CNOT8: variants seen among roughly 807,000 people sequenced by gnomAD.
CNOT8 encodes the protein CAF1-like protein.
In CNOT8, 18 loss-of-function variants were observed where a neutral mutation model predicts 34.6. The observed-to-expected ratio is 0.52, with a 90% CI of 0.36 to 0.77. CNOT8 has a LOEUF of 0.77. CNOT8 is among the 30% of genes least tolerant of loss of function. The pLI, the probability that CNOT8 is intolerant of heterozygous loss-of-function variation, is 0.00. For synonymous variants in CNOT8, 101 were observed against 118.8 expected (o/e 0.85, Z 0.98); for missense variants, 189 against 347.9 (o/e 0.54, Z 3.63).
At chr5:154,869,472 T>C (rs542829123) in intron 3 of CNOT8, among the ~76,000 whole-genome samples, 83 of 147,172 alleles carry the variant, frequency 5.6e-4, no homozygotes, top group South Asian at 1.7e-3. Context: ...TGAGACAGAG[T>C]CTTGTTCTGT....
chr5:154,872,200 A>G (rs1762551926), intron 5 of CNOT8, among the ~76,000 whole-genome samples: 1 of 152,232 alleles, frequency 6.6e-6, no homozygotes, highest in African/African-American at 2.4e-5. Context: ...TTAACTCTAG[A>G]AAGTTTTAGA....
chr5:154,872,538 C>T lies in CNOT8; in HGVS notation c.619-3C>T, dbSNP rs760901457. On this transcript the variant is annotated splice_polypyrimidine_tract_variant and splice_region_variant and intron_variant, in intron 5 of 6. Coordinates refer to ENST00000285896, the MANE Select transcript of CNOT8 (RefSeq NM_001301073.2). The stretch of plus-strand genomic sequence containing the variant: ...ATTATCTTTGTTCTCCATACATCTC[C>T]AGGGAGGTCTTCAGGAAGTTGCTGA... 6.2e-7 allele frequency: 1 copy of T among 1,602,184 alleles called. No homozygotes were observed. The highest frequency in any genetic ancestry group is 8.5e-7 in the Non-Finnish European group (1 of 1,170,800).
chr5:154,874,539 T>C (rs908395462), intron 6 of CNOT8, among the ~76,000 whole-genome samples: 16 of 152,110 alleles, frequency 1.1e-4, no homozygotes, highest in African/African-American at 3.4e-4. Flanking sequence ...CCTGTCTCTT[T>C]TTCTTTTTCT....
chr5:154,867,198 TTAGAG>T (rs2113320168), intron 3 of CNOT8, among the ~76,000 whole-genome samples: 1 of 152,324 alleles, frequency 6.6e-6, no homozygotes, highest in South Asian at 2.1e-4. Context: ...GGATATATCT[TTAGAG>T]TGGAATATTA....
At chr5:154,859,059 C>T (rs1435541084) in intron 1 of CNOT8, 2 of 152,160 alleles carry the variant, frequency 1.3e-5, no homozygotes, top group Admixed American at 6.5e-5. Flanking sequence ...ATAGGAAAAC[C>T]GAGGCACGAA....
chr5:154,864,996 TG>T (rs1761728902), intron 2 of CNOT8, among the ~76,000 whole-genome samples, 195 bp from the exon 3 acceptor site: 1 of 152,134 alleles, frequency 6.6e-6, no homozygotes, highest in South Asian at 2.1e-4. Context: ...GAGCTGTGAT[TG>T]TGCCACTGCC....
chr5:154,870,757 T>C lies in CNOT8; in HGVS notation c.408T>C (p.Phe136=), dbSNP rs143791180. 3.1e-6 allele frequency: 5 copies of C among 1,614,026 alleles called. No homozygotes were observed. The African/African-American group carries it at 5.3e-5, about 17-fold the overall frequency. ...AGGAAGGGATTGACACACTGCACTT[T>C]GCAGAGCTGCTTATGACATCAGGAG... ...HEEEGIDTLH[F]AELLMTSGVV... is the part of the protein sequence containing the mutation. The change falls in exon 4 of 7, where the codon TTT becomes TTC. Residue 136 remains phenylalanine, a synonymous_variant. Transcript: ENST00000285896.
chr5:154,869,120 GTTTA>G lies in CNOT8; in HGVS notation c.312-1537_312-1534del, dbSNP rs1487210807. On this transcript the variant is annotated intron_variant, in intron 3 of 6. Coordinates refer to ENST00000285896, the MANE Select transcript of CNOT8 (RefSeq NM_001301073.2). ...TCTGTGCCTCAATATTTTTTTGTTG[GTTTA>G]TTTTTTTTTTTTGAGATAGAGTTTC... Among the ~76,000 whole-genome samples the G allele has an allele frequency of 7.2e-5, 11 of 151,814 alleles. No individual in the cohort carries two copies. In the South Asian group the frequency reaches 2.3e-3, roughly 32 times the overall value.
At chr5:154,865,824 G>T (rs1761811164) in intron 3 of CNOT8, among the ~76,000 whole-genome samples, 1 of 152,182 alleles carries the variant, frequency 6.6e-6, no homozygotes, top group African/African-American at 2.4e-5. Flanking sequence ...TTCCTGAAAA[G>T]GTTAAACATA....
rs1450346534 is a variant in CNOT8, at chr5:154,872,577, C to G, written c.655C>G (p.Gln219Glu). 1.2e-6 allele frequency: 2 copies of G among 1,612,956 alleles called. No homozygotes were observed. The highest frequency in any genetic ancestry group is 1.3e-5 in the African/African-American group (1 of 74,958). Residue 219 changes from glutamine to glutamate, a missense_variant, in exon 6 of 7, where the codon CAG becomes GAG. This residue lies in a region of CNOT8 where 160 missense variants were observed against 321.9 expected (regional missense o/e 0.50). Coordinates refer to ENST00000285896, the MANE Select transcript of CNOT8 (RefSeq NM_001301073.2). ...GGAAGTTGCTGATCAGTTGGATTTGCAGAGGATTGGAAGGCAGCACCAGGC... is the reference window on the plus strand; with the variant it reads ...GGAAGTTGCTGATCAGTTGGATTTGGAGAGGATTGGAAGGCAGCACCAGGC... The part of the protein sequence containing the change: ...LQEVADQLDL[Q>E]RIGRQHQAGS...
chr5:154,869,315 C>CT (rs1762228028), intron 3 of CNOT8, among the ~76,000 whole-genome samples: 1 of 150,736 alleles, frequency 6.6e-6, no homozygotes, highest in South Asian at 2.1e-4. Flanking sequence ...GATGGGGTTT[C>CT]TCCATGTTGG....
intron 3 of CNOT8, among the ~76,000 whole-genome samples, chr5:154,870,234 GTGT>G (rs1424763889): frequency 6.7e-6 from 1 of 148,774 alleles, no homozygotes; most frequent in Non-Finnish European, 1.5e-5. Context: ...GTGTGTGTGT[GTGT>G]TGTTTTTTTT....
chr5:154,873,695 T>A (rs1762687085), intron 6 of CNOT8, among the ~76,000 whole-genome samples: 1 of 152,226 alleles, frequency 6.6e-6, no homozygotes, highest in Non-Finnish European at 1.5e-5. Flanking sequence ...ATGGATCTCC[T>A]TTTTAGAACT....
chr5:154,865,516 T>G (rs1761780534), intron 3 of CNOT8, 131 bp downstream of exon 3: 1 of 548,166 alleles, frequency 1.8e-6, no homozygotes, highest in Non-Finnish European at 3.1e-6. Flanking sequence ...CTTAAAGAAC[T>G]GCAGCAGCTC....
chr5:154,875,402 T>A lies in CNOT8; in HGVS notation c.842T>A (p.Met281Lys), dbSNP rs749950840. Reference protein sequence around the residue: ...NEDVDSAQEKMSILAIINNMQ... With the variant: ...NEDVDSAQEKKSILAIINNMQ... ...GATGTGGACTCTGCCCAGGAGAAGATGAGCATCCTGGCGATTATCAACAAC... is the reference window on the plus strand; with the variant it reads ...GATGTGGACTCTGCCCAGGAGAAGAAGAGCATCCTGGCGATTATCAACAAC... The change falls in exon 7 of 7, where the codon ATG becomes AAG. Residue 281 changes from methionine to lysine, a missense_variant. By Grantham distance (95) the Met-to-Lys change is moderately conservative. Transcript: ENST00000285896. The A allele has an allele frequency of 6.2e-7, 1 of 1,613,986 alleles. No homozygotes were observed. Among genetic ancestry groups the A allele is most frequent in the Non-Finnish European group, 8.5e-7 (1 of 1,180,014 alleles).
At chr5:154,870,167 C>T (rs568595654) in intron 3 of CNOT8, among the ~76,000 whole-genome samples, 10 of 152,236 alleles carry the variant, frequency 6.6e-5, no homozygotes, top group South Asian at 2.1e-4. Flanking sequence ...CCTCAGCCTC[C>T]GGAGTAGTTA....
In CNOT8 at chr5:154,876,004, T is replaced by C. The variant is rs1762901219; in HGVS notation, c.*565T>C. ...TAGTCTCTCTTTACATATTACTATA[T>C]GGAAATGAATTGCTCTGTGCTGAAA... is the stretch of plus-strand genomic sequence containing the variant. On this transcript the variant is annotated 3_prime_UTR_variant, in exon 7 of 7. Transcript: ENST00000285896. 6.6e-6 allele frequency: 1 copy of C among 152,592 alleles called. No individual in the cohort carries two copies. Among genetic ancestry groups the C allele is most frequent in the Non-Finnish European group, 1.5e-5 (1 of 68,350 alleles). 9.5% of individuals were successfully genotyped at this position (152,592 alleles called of 1,614,324 possible). A position where few individuals can be genotyped will look rare whatever the true frequency, so the allele number is the denominator to read the frequency against.
chr5:154,871,769 T>G lies in CNOT8; in HGVS notation c.513T>G (p.Asp171Glu). Residue 171 changes from aspartate to glutamate, a missense_variant, in exon 5 of 7, where the codon GAT (aspartate) becomes GAG (glutamate). Physicochemically the swap from Asp to Glu is conservative, Grantham distance 45. Around this residue, in one of 2 missense-constraint regions of CNOT8, gnomAD observed 160 missense variants for 321.9 expected, o/e 0.50. Transcript: ENST00000285896. ...DFGYMVKLLT[D>E]SRLPEEEHEF... ...GCTATATGGTAAAGTTGCTTACAGA[T>G]TCTCGTTTGCCAGAAGAGGAACATG... is the stretch of plus-strand genomic sequence containing the variant. 4.3e-6 allele frequency: 7 copies of G among 1,614,022 alleles called. No individual in the cohort carries two copies. Among genetic ancestry groups the G allele is most frequent in the Non-Finnish European group, 5.9e-6 (7 of 1,179,908 alleles).
intron 4 of CNOT8, among the ~76,000 whole-genome samples, chr5:154,871,034 G>A (rs1178853215): frequency 2.0e-5 from 3 of 152,130 alleles, no homozygotes; most frequent in Non-Finnish European, 4.4e-5. Flanking sequence ...GCTCTATCAT[G>A]TGGCTATCAG....
Sources: gnomAD v4.1 joint callset for allele counts (sites outside exome capture counted in the v4.1 genomes callset) on GRCh38, gnomAD v4.1.1 for gene constraint, gnomAD v4.1.1 regional missense constraint, MANE v1.5 for transcripts, NCBI Gene and HGNC (gene_info 2026-07-23, HGNC 2026-07-21) for gene names.